SPIDR: variants seen among roughly 807,000 people sequenced by gnomAD.
SPIDR encodes the protein scaffold protein involved in DNA repair.
In SPIDR, 93 loss-of-function variants were observed where a neutral mutation model predicts 104.6. The ratio of observed to expected loss-of-function variants is 0.89; its 90% confidence interval spans 0.75 to 1.06. The LOEUF (loss-of-function observed/expected upper bound fraction) is 1.06. SPIDR is among the 50% of genes least tolerant of loss of function. The pLI is 0.00. For synonymous variants in SPIDR, 431 were observed against 416.9 expected (o/e 1.03, Z -0.41); for missense variants, 1,154 against 1,111.2 (o/e 1.04, Z -0.55).
intron 8 of SPIDR, among the ~76,000 whole-genome samples, chr8:47,554,552 T>C (rs183246934): frequency 2.8e-4 from 43 of 152,338 alleles, no homozygotes; most frequent in South Asian, 1.0e-3. Context: ...CTCTGAGCCA[T>C]GCGCGGGATA....
intron 8 of SPIDR, among the ~76,000 whole-genome samples, chr8:47,545,660 C>T (rs1396852772): frequency 6.6e-6 from 1 of 152,084 alleles, no homozygotes; most frequent in Non-Finnish European, 1.5e-5. Flanking sequence ...CTAGAACTTC[C>T]GGTACTACAC....
intron 5 of SPIDR, among the ~76,000 whole-genome samples, chr8:47,324,016 C>A (rs1364832601): frequency 1.3e-5 from 2 of 152,042 alleles, no homozygotes; most frequent in Non-Finnish European, 2.9e-5. Context: ...CTTTACAGTG[C>A]TAAAAAGTTA....
At chr8:47,495,847 T>G (rs867492504) in intron 8 of SPIDR, among the ~76,000 whole-genome samples, 18 of 152,298 alleles carry the variant, frequency 1.2e-4, no homozygotes, top group African/African-American at 4.3e-4. Flanking sequence ...CACTGTAAGT[T>G]CAAGGATCAA....
chr8:47,440,617 A>C, intron 8 of SPIDR, 75 bp downstream of exon 8: 1 of 1,464,492 alleles, frequency 6.8e-7, no homozygotes, highest in Admixed American at 2.1e-5. Flanking sequence ...TTTATCAGTT[A>C]CATTTTTGTC....
intron 10 of SPIDR, among the ~76,000 whole-genome samples, chr8:47,617,978 C>G (rs914375840): frequency 6.6e-6 from 1 of 152,156 alleles, no homozygotes; most frequent in Non-Finnish European, 1.5e-5. Context: ...GTCATCAAGA[C>G]TTGCCACAGC....
intron 5 of SPIDR, among the ~76,000 whole-genome samples, chr8:47,344,041 C>G (rs1308150443): frequency 6.6e-6 from 1 of 151,606 alleles, no homozygotes; most frequent in Non-Finnish European, 1.5e-5. Context: ...CATGTGTATA[C>G]ATGTGCCATG....
intron 5 of SPIDR, among the ~76,000 whole-genome samples, chr8:47,392,683 C>T (rs1357978659): frequency 2.0e-5 from 3 of 152,200 alleles, no homozygotes; most frequent in Non-Finnish European, 4.4e-5. Context: ...TTCATTTGGA[C>T]TTCATGGTTT....
chr8:47,606,461 G>A lies in SPIDR; in HGVS notation c.1544+7265G>A, dbSNP rs2062960663. ...GAATGGCGTGAACCCAGGAGGTGGAGCTTGCAGTGAGCCGAGATCGCACCA... is the reference window on the plus strand; with the variant it reads ...GAATGGCGTGAACCCAGGAGGTGGAACTTGCAGTGAGCCGAGATCGCACCA... On this transcript the variant is annotated intron_variant, in intron 10 of 19. Coordinates refer to ENST00000297423, the MANE Select transcript of SPIDR (RefSeq NM_001080394.4). 2.6e-5 allele frequency among the ~76,000 whole-genome samples: 4 copies of A among 152,112 alleles called. No homozygotes were observed. In the South Asian group the frequency reaches 8.3e-4, roughly 32 times the overall value.
rs189984819 is a variant in SPIDR at position 47,473,695 on chromosome 8, G to A, written c.1097+33153G>A. On this transcript the variant is annotated intron_variant, in intron 8 of 19. Transcript: ENST00000297423. ...TACACTATGAGCTTCTGGAGTGCAG[G>A]CAAGTATGATTTGTGGCTTAAATGG... is the stretch of plus-strand genomic sequence containing the variant. 3.4e-3 allele frequency among the ~76,000 whole-genome samples: 518 copies of A among 152,274 alleles called. 1 individual carries two copies. The highest frequency in any genetic ancestry group is 0.034 in the Middle Eastern group (10 of 294).
intron 10 of SPIDR, among the ~76,000 whole-genome samples, chr8:47,648,538 C>T (rs1354696483): frequency 6.6e-6 from 1 of 152,188 alleles, no homozygotes. Context: ...TGTGCACACA[C>T]TTCCCAGCTC....
intron 10 of SPIDR, among the ~76,000 whole-genome samples, chr8:47,669,084 C>T (rs1328628751): frequency 6.6e-6 from 1 of 152,160 alleles, no homozygotes; most frequent in Admixed American, 6.5e-5. Flanking sequence ...TAAGTTCAAG[C>T]TCATACAGAT....
At chr8:47,456,374 C>T (rs1264017209) in intron 8 of SPIDR, among the ~76,000 whole-genome samples, 1 of 152,144 alleles carries the variant, frequency 6.6e-6, no homozygotes, top group Admixed American at 6.6e-5. Context: ...CTCCAGCATC[C>T]AGAAATGTGA....
intron 19 of SPIDR, 160 bp downstream of exon 19, chr8:47,729,625 A>T: frequency 4.2e-6 from 3 of 720,036 alleles, no homozygotes; most frequent in Non-Finnish European, 6.7e-6. Flanking sequence ...TATGTCTGCC[A>T]TTCAGACTGA....
At chr8:47,420,746 C>T (rs1042305429) in intron 7 of SPIDR, among the ~76,000 whole-genome samples, 6 of 152,158 alleles carry the variant, frequency 3.9e-5, no homozygotes, top group Admixed American at 1.3e-4. Context: ...TTTGCAATGC[C>T]TGGTACCAGT....
chr8:47,682,711 A>G (rs1329366750), intron 11 of SPIDR, among the ~76,000 whole-genome samples: 1 of 152,218 alleles, frequency 6.6e-6, no homozygotes, highest in Non-Finnish European at 1.5e-5. Flanking sequence ...ATAATTCCAC[A>G]TTTATCAAAA....
intron 10 of SPIDR, among the ~76,000 whole-genome samples, chr8:47,654,837 T>G (rs2072422236): frequency 6.6e-6 from 1 of 152,192 alleles, no homozygotes; most frequent in Non-Finnish European, 1.5e-5. Context: ...TAACTCGTCA[T>G]TTAACATTAG....
chr8:47,655,006 T>C (rs546427515), intron 10 of SPIDR, among the ~76,000 whole-genome samples: 49 of 152,266 alleles, frequency 3.2e-4, no homozygotes, highest in African/African-American at 1.1e-3. Context: ...GATAGTTTGC[T>C]GAGAATGATG....
rs536876681 is a variant in SPIDR, at chr8:47,341,740, A to G, written c.525+47710A>G. Among the ~76,000 whole-genome samples, 12 of 152,336 alleles carry G rather than the reference A, an allele frequency of 7.9e-5. 1 individual carries two copies. The South Asian group carries it at 2.5e-3, about 32-fold the overall frequency. ...CATTTGTCGCTCATGGTGGAAAAAC[A>G]TATGGGAATATTCCTGTGTGCATCC... On this transcript the variant is annotated intron_variant, in intron 5 of 19. Coordinates refer to ENST00000297423, the MANE Select transcript of SPIDR (RefSeq NM_001080394.4).
chr8:47,682,699 G>A (rs1049816670), intron 11 of SPIDR, among the ~76,000 whole-genome samples: 4 of 152,128 alleles, frequency 2.6e-5, no homozygotes, highest in Non-Finnish European at 5.9e-5. Context: ...GAACTTCTGG[G>A]CATAATTCCA....
Sources: gnomAD v4.1 joint callset for allele counts (sites outside exome capture counted in the v4.1 genomes callset) on GRCh38, gnomAD v4.1.1 for gene constraint, MANE v1.5 for transcripts, NCBI Gene and HGNC (gene_info 2026-07-23, HGNC 2026-07-21) for gene names.